SEMA3A: variants seen among roughly 807,000 people sequenced by gnomAD.
SEMA3A encodes semaphorin 3A, also known as semaphorin-3A.
In SEMA3A, 29 loss-of-function variants were observed where a neutral mutation model predicts 97.9. That is an observed-to-expected ratio of 0.30 (90% confidence interval 0.22 to 0.40). The LOEUF (loss-of-function observed/expected upper bound fraction) is 0.40. SEMA3A is among the 10% of genes least tolerant of loss of function. SEMA3A has a pLI of 1.00. For synonymous variants in SEMA3A, 321 were observed against 323.7 expected (o/e 0.99, Z 0.09); for missense variants, 763 against 951.3 (o/e 0.80, Z 2.60).
chr7:84,369,730 G>A (rs979632109), intron 2 of SEMA3A, among the ~76,000 whole-genome samples: 1 of 149,608 alleles, frequency 6.7e-6, no homozygotes, highest in Non-Finnish European at 1.5e-5. Flanking sequence ...TCACAGGTAT[G>A]CCATTTTAGA....
intron 4 of SEMA3A, among the ~76,000 whole-genome samples, chr7:84,066,101 C>G (rs1467777994): frequency 1.3e-5 from 2 of 151,500 alleles, no homozygotes; most frequent in Admixed American, 1.3e-4. Flanking sequence ...CCCTGGGATG[C>G]AAGGCTGGTT....
chr7:83,969,398 G>GT (rs1303889723), intron 15 of SEMA3A, among the ~76,000 whole-genome samples: 4 of 152,102 alleles, frequency 2.6e-5, no homozygotes, highest in Non-Finnish European at 2.9e-5. Flanking sequence ...AGTATGTGTA[G>GT]TTATATTTGT....
chr7:84,272,493 A>G (rs541696617), intron 3 of SEMA3A, among the ~76,000 whole-genome samples: 1 of 152,272 alleles, frequency 6.6e-6, no homozygotes, highest in South Asian at 2.1e-4. Context: ...CTATTCAAAT[A>G]TATTAAATGA....
intron 2 of SEMA3A, among the ~76,000 whole-genome samples, chr7:84,317,922 A>G (rs1801548162): frequency 1.3e-5 from 2 of 152,190 alleles, no homozygotes. Context: ...ATCTAGAGAC[A>G]ACTGGTGTAT....
chr7:84,063,095 A>G (rs1057094639), intron 4 of SEMA3A, among the ~76,000 whole-genome samples: 1 of 151,988 alleles, frequency 6.6e-6, no homozygotes, highest in Non-Finnish European at 1.5e-5. Context: ...CTGCCTCCTC[A>G]AGTGGGTCCC....
At chr7:84,236,488 T>G (rs573751596) in intron 3 of SEMA3A, among the ~76,000 whole-genome samples, 1 of 152,214 alleles carries the variant, frequency 6.6e-6, no homozygotes, top group African/African-American at 2.4e-5. Context: ...AAATGAACAT[T>G]ACTAAAATAT....
chr7:84,014,484 G>T, intron 6 of SEMA3A, 133 bp from the exon 7 acceptor site: 1 of 690,728 alleles, frequency 1.4e-6, no homozygotes, highest in East Asian at 2.8e-5. Context: ...TGTTCATTTT[G>T]TAGGTACATA....
chr7:84,452,851 G>C (rs530210487), intron 1 of SEMA3A, among the ~76,000 whole-genome samples: 2 of 152,244 alleles, frequency 1.3e-5, no homozygotes, highest in South Asian at 4.1e-4. Flanking sequence ...CAACTTGTCT[G>C]AACTTGATGC....
intron 1 of SEMA3A, among the ~76,000 whole-genome samples, chr7:84,434,787 A>T (rs890618596): frequency 3.9e-5 from 6 of 152,168 alleles, no homozygotes; most frequent in African/African-American, 1.4e-4. Context: ...TAAATACAGA[A>T]AAGCCTTCAA....
At chr7:84,063,838 A>G (rs1180948298) in intron 4 of SEMA3A, among the ~76,000 whole-genome samples, 1 of 149,632 alleles carries the variant, frequency 6.7e-6, no homozygotes, top group Non-Finnish European at 1.5e-5. Flanking sequence ...AAGTTGGAAA[A>G]CACTCTGCAG....
chr7:84,126,237 ACT>A (rs1795787739), intron 3 of SEMA3A, among the ~76,000 whole-genome samples: 1 of 151,778 alleles, frequency 6.6e-6, no homozygotes, highest in Non-Finnish European at 1.5e-5. Flanking sequence ...ACAGAGTCTC[ACT>A]CTGTCACCCA....
intron 3 of SEMA3A, among the ~76,000 whole-genome samples, chr7:84,295,197 A>G (rs1800838947): frequency 1.3e-5 from 2 of 152,094 alleles, no homozygotes; most frequent in Admixed American, 1.3e-4. Flanking sequence ...TAGACTAGCA[A>G]TTGGTCTAGA....
intron 1 of SEMA3A, among the ~76,000 whole-genome samples, chr7:84,487,344 T>C (rs1806601154): frequency 1.3e-5 from 2 of 151,986 alleles, no homozygotes; most frequent in Non-Finnish European, 2.9e-5. Context: ...TCAGGTTGTT[T>C]GAAACCGTGG....
At chr7:84,246,056 G>A (rs768334813) in intron 3 of SEMA3A, among the ~76,000 whole-genome samples, 11 of 152,300 alleles carry the variant, frequency 7.2e-5, no homozygotes, top group Non-Finnish European at 1.3e-4. Context: ...CCCTGCCCGG[G>A]GTGGGAGGAA....
At chr7:84,445,354 C>T (rs1375960793) in intron 1 of SEMA3A, among the ~76,000 whole-genome samples, 1 of 150,804 alleles carries the variant, frequency 6.6e-6, no homozygotes, top group Non-Finnish European at 1.5e-5. Context: ...ATTAGCTGGG[C>T]GTGGTGGTGT....
intron 1 of SEMA3A, among the ~76,000 whole-genome samples, chr7:84,425,331 TATA>T: frequency 1.6e-5 from 1 of 62,452 alleles, no homozygotes; most frequent in South Asian, 3.7e-4. Context: ...TAAATATAAA[TATA>T]ATATATTGAT....
chr7:84,140,160 C>T (rs1796255880), intron 1 of SEMA3A, among the ~76,000 whole-genome samples: 1 of 152,070 alleles, frequency 6.6e-6, no homozygotes, highest in Non-Finnish European at 1.5e-5. Context: ...GGAACACTTA[C>T]ACAAAAATAA....
chr7:84,095,358 C>CATATATATATATATATAT (rs200107086), intron 4 of SEMA3A, among the ~76,000 whole-genome samples: 45 of 122,878 alleles, frequency 3.7e-4, no homozygotes, highest in East Asian at 1.3e-3. Context: ...TTTTTATATA[C>CATATATATATATATATAT]ATATATATAT....
chr7:84,305,014 A>G (rs1401041926), intron 3 of SEMA3A, among the ~76,000 whole-genome samples: 1 of 152,000 alleles, frequency 6.6e-6, no homozygotes, highest in Admixed American at 6.6e-5. Flanking sequence ...ATATGGAGCC[A>G]TGTTGAGGGA....
Sources: allele counts gnomAD v4.1 joint callset (sites outside exome capture counted in the v4.1 genomes callset), GRCh38; gene constraint gnomAD v4.1.1; transcripts MANE v1.5; gene names NCBI Gene and HGNC (gene_info 2026-07-23, HGNC 2026-07-21).